Variants in XIRP2 observed in about 807,000 individuals in gnomAD.
XIRP2 encodes xin actin binding repeat containing 2.
Under a neutral mutation model 277.0 loss-of-function variants are expected in XIRP2, and 236 were observed. That is an observed-to-expected ratio of 0.85 (90% CI 0.77 to 0.95). The LOEUF is 0.95. XIRP2 is among the 40% of genes least tolerant of loss of function. The pLI, the probability that XIRP2 is intolerant of heterozygous loss-of-function variation, is 0.00. For synonymous variants in XIRP2, 1,490 were observed against 1,416.5 expected (o/e 1.05, Z -1.17); for missense variants, 4,640 against 4,157.5 (o/e 1.12, Z -3.19).
chr2:166,944,654 A>G (rs918182121), intron 2 of XIRP2, among the ~76,000 whole-genome samples: 1 of 152,208 alleles, frequency 6.6e-6, no homozygotes, highest in Non-Finnish European at 1.5e-5. Context: ...CAATAATAAT[A>G]TTAACATTTA....
chr2:167,050,614 A>T (rs1187546923), intron 2 of XIRP2, among the ~76,000 whole-genome samples: 1 of 151,994 alleles, frequency 6.6e-6, no homozygotes, highest in Non-Finnish European at 1.5e-5. Context: ...CACCCTATAG[A>T]TAATTTCACC....
At chr2:167,011,951 A>T in intron 2 of XIRP2, among the ~76,000 whole-genome samples, 1 of 150,854 alleles carries the variant, frequency 6.6e-6, no homozygotes, top group African/African-American at 2.4e-5. Flanking sequence ...TGTCTATTTG[A>T]TTCTTCTCTC....
chr2:166,941,017 T>G (rs1368023335), intron 2 of XIRP2, among the ~76,000 whole-genome samples: 4 of 152,202 alleles, frequency 2.6e-5, no homozygotes, highest in Non-Finnish European at 5.9e-5. Flanking sequence ...CGCTGCCTTT[T>G]GCTTGGCTCT....
intron 7 of XIRP2, among the ~76,000 whole-genome samples, chr2:167,241,266 G>A (rs1296068930): frequency 6.6e-5 from 10 of 151,800 alleles, no homozygotes; most frequent in Non-Finnish European, 4.4e-5. Context: ...AACTGTGACC[G>A]AAACTTTACT....
chr2:167,116,272 C>A (rs1028866616), intron 2 of XIRP2, among the ~76,000 whole-genome samples: 4 of 152,098 alleles, frequency 2.6e-5, no homozygotes, highest in Non-Finnish European at 4.4e-5. Flanking sequence ...TTGTCTATTT[C>A]TCTATTCAGT....
At position 167,248,433 on chromosome 2, in the gene XIRP2, TC is replaced by T. The variant is rs772465605; in HGVS notation, c.7043del (p.Pro2348HisfsTer4). On this transcript the variant is annotated frameshift_variant, in exon 9 of 11. Coordinates refer to ENST00000409195, the MANE Select transcript of XIRP2 (RefSeq NM_152381.6). LOFTEE classifies it high-confidence loss of function. ...FESFPGLPLP[P>X]PPVDEKSERE... is the part of the protein sequence containing the mutation. ...AAAGTTTTCCAGGCCTCCCTCTTCC[TC>T]CACCTCCAGTAGATGAGAAATCTGA... is the stretch of plus-strand genomic sequence containing the variant. 1.6e-5 allele frequency: 26 copies of T among 1,613,798 alleles called. No homozygotes were observed. The South Asian group carries it at 2.9e-4, about 18-fold the overall frequency.
intron 2 of XIRP2, among the ~76,000 whole-genome samples, chr2:166,939,679 C>CAAAAAAAAAAAAAAAAAAAAAAA (rs138977006): frequency 1.1e-5 from 1 of 90,664 alleles, no homozygotes; most frequent in Non-Finnish European, 2.2e-5. Context: ...GACTCCATCA[C>CAAAAAAAAAAAAAAAAAAAAAAA]AAAAAAAAAA....
chr2:167,231,476 C>G (rs951068495), intron 5 of XIRP2, among the ~76,000 whole-genome samples: 1 of 151,892 alleles, frequency 6.6e-6, no homozygotes, highest in Non-Finnish European at 1.5e-5. Context: ...ATGAGTGGCA[C>G]CCCTTTTCTT....
At chr2:167,076,985 C>G (rs1395390258) in intron 2 of XIRP2, among the ~76,000 whole-genome samples, 1 of 151,854 alleles carries the variant, frequency 6.6e-6, no homozygotes, top group African/African-American at 2.4e-5. Flanking sequence ...CACATGCCCC[C>G]CTACTTGGCT....
Position 167,245,094 on chromosome 2 carries a change from C to T in XIRP2, c.3702C>T (p.Gly1234=), listed in dbSNP as rs772489867. The T allele has an allele frequency of 6.2e-7, 1 of 1,610,038 alleles. No homozygotes were observed. The highest frequency in any genetic ancestry group is 1.7e-5 in the Admixed American group (1 of 59,212). The change falls in exon 9 of 11, where the codon GGC becomes GGT. Residue 1234 remains glycine, a synonymous_variant. Transcript: ENST00000409195. ...TAAAAACTGAAGATATTCAGAAAGGCAATGTTTTAAATTGTAGGTGGCTTT... is the reference window on the plus strand; with the variant it reads ...TAAAAACTGAAGATATTCAGAAAGGTAATGTTTTAAATTGTAGGTGGCTTT... ...KTLKTEDIQK[G]NVLNCRWLFE...
chr2:167,026,495 A>G (rs1312892341), intron 2 of XIRP2, among the ~76,000 whole-genome samples: 2 of 152,040 alleles, frequency 1.3e-5, no homozygotes, highest in Non-Finnish European at 2.9e-5. Flanking sequence ...TGATCCTGTC[A>G]TTTGATGTTA....
intron 3 of XIRP2, among the ~76,000 whole-genome samples, chr2:167,175,138 T>A (rs964040431): frequency 7.2e-5 from 11 of 152,172 alleles, no homozygotes; most frequent in Admixed American, 6.5e-5. Flanking sequence ...AATATCCTTG[T>A]TAACTTTCTG....
chr2:166,946,474 T>C lies in XIRP2; in HGVS notation c.408+42584T>C, dbSNP rs571002293. On this transcript the variant is annotated intron_variant, in intron 2 of 10. Coordinates refer to ENST00000409195, the MANE Select transcript of XIRP2 (RefSeq NM_152381.6). ...TTGAGTTGTTGTGCATAGCCCTGGA[T>C]GGCTCTTATTCTAATTTAGATTACT... 9.2e-5 allele frequency among the ~76,000 whole-genome samples: 14 copies of C among 152,324 alleles called. No individual in the cohort carries two copies. The South Asian group carries it at 2.9e-3, about 32-fold the overall frequency.
chr2:167,183,861 C>T (rs974486780), intron 3 of XIRP2, among the ~76,000 whole-genome samples: 1 of 152,086 alleles, frequency 6.6e-6, no homozygotes, highest in African/African-American at 2.4e-5. Flanking sequence ...TGACCTTCGT[C>T]AGAGATATTA....
chr2:167,053,058 A>G (rs1181109998), intron 2 of XIRP2, among the ~76,000 whole-genome samples: 2 of 152,200 alleles, frequency 1.3e-5, no homozygotes, highest in Admixed American at 1.3e-4. Flanking sequence ...GAGGCTGCTC[A>G]TGATGTTTCT....
chr2:166,987,376 C>T (rs1305868966), intron 2 of XIRP2, among the ~76,000 whole-genome samples: 2 of 152,102 alleles, frequency 1.3e-5, no homozygotes, highest in Non-Finnish European at 2.9e-5. Context: ...ATCGTCTATC[C>T]TGTAATAGGG....
Position 167,258,647 on chromosome 2 carries a change from A to T in XIRP2, c.*830A>T. On this transcript the variant is annotated 3_prime_UTR_variant, in exon 11 of 11. Transcript: ENST00000409195. Reference sequence around the variant, plus strand: ...TGATGAGATGATGCCAGAAAATCATAAAGAAAATTTGAATAAGAATAATAA... The same window carrying T: ...TGATGAGATGATGCCAGAAAATCATTAAGAAAATTTGAATAAGAATAATAA... The T allele has an allele frequency of 1.9e-6, 3 of 1,611,800 alleles. No homozygotes were observed. Among genetic ancestry groups the T allele is most frequent in the Non-Finnish European group, 2.5e-6 (3 of 1,179,084 alleles).
rs145899640 is a variant in XIRP2 at position 166,911,986 on chromosome 2, C to G, written c.408+8096C>G. 4.6e-3 allele frequency among the ~76,000 whole-genome samples: 694 copies of G among 152,332 alleles called. 4 individuals carry two copies. The highest frequency in any genetic ancestry group is 0.016 in the African/African-American group (673 of 41,566). On this transcript the variant is annotated intron_variant, in intron 2 of 10. Coordinates refer to ENST00000409195, the MANE Select transcript of XIRP2 (RefSeq NM_152381.6). The stretch of plus-strand genomic sequence containing the variant: ...TTCTGCCGAGAGATCCACTGTTAGT[C>G]TGATGGGCTTCACTTTGTGAGTAAC...
intron 2 of XIRP2, among the ~76,000 whole-genome samples, chr2:167,078,125 T>G (rs956811409): frequency 6.6e-6 from 1 of 152,240 alleles, no homozygotes; most frequent in African/African-American, 2.4e-5. Flanking sequence ...GAATGTTTAT[T>G]CATTTGTCTG....
Sources: gnomAD v4.1 joint callset for allele counts (sites outside exome capture counted in the v4.1 genomes callset) on GRCh38, gnomAD v4.1.1 for gene constraint, MANE v1.5 for transcripts, NCBI Gene and HGNC (gene_info 2026-07-23, HGNC 2026-07-21) for gene names.